CNTNAP3: variants seen among roughly 807,000 people sequenced by gnomAD.
The protein encoded by CNTNAP3 is contactin-associated protein-like 3.
CNTNAP3 carries 36 observed loss-of-function variants against 92.1 expected under a neutral mutation model. The ratio of observed to expected loss-of-function variants is 0.39; its 90% CI spans 0.30 to 0.52. The LOEUF (loss-of-function observed/expected upper bound fraction) is 0.52, where lower values mean the gene tolerates loss of function less well. Ranked by LOEUF, CNTNAP3 falls within the 20% of genes least tolerant of loss-of-function variation. The probability of loss-of-function intolerance (pLI) is 0.76; values close to 1 mark genes in which losing one functional copy is unlikely to be tolerated. For synonymous variants in CNTNAP3, 232 were observed against 422.3 expected, an observed-to-expected ratio of 0.55 and a Z score of 5.53; for missense variants, 534 against 1,069.6, an observed-to-expected ratio of 0.50 and a Z score of 6.98.
Position 39,068,243 on chromosome 9 carries a change from C to CAAA in CNTNAP3, c.*5644_*5646dup, listed in dbSNP as rs1198106886. ...TGAAACCTTGCCTCCACTAAAAATACAAAAAAAAAAAAAAAAAAAAAAATT... is the reference window on the plus strand; with the variant it reads ...TGAAACCTTGCCTCCACTAAAAATACAAAAAAAAAAAAAAAAAAAAAAAAAATT... On this transcript the variant is annotated 3_prime_UTR_variant, in exon 24 of 24. Coordinates refer to ENST00000297668, the MANE Select transcript of CNTNAP3 (RefSeq NM_033655.5). Among the ~76,000 whole-genome samples the CAAA allele has an allele frequency of 8.7e-3, 1,112 of 128,312 alleles. No individual in the cohort carries two copies. Among genetic ancestry groups the CAAA allele is most frequent in the African/African-American group, 0.028 (962 of 33,838 alleles). The allele number at this position is 128,312 out of a possible 152,430, so 84.2% of individuals were successfully genotyped here.
At chr9:39,116,142 ACT>A (rs574997320) in intron 14 of CNTNAP3, among the ~76,000 whole-genome samples, 53 of 149,846 alleles carry the variant, frequency 3.5e-4, no homozygotes, top group Non-Finnish European at 6.3e-4. Context: ...ACAGAGAGAG[ACT>A]CTGTCTCAAA....
At chr9:39,125,259 C>CA (rs989906422) in intron 13 of CNTNAP3, among the ~76,000 whole-genome samples, 2 of 149,136 alleles carry the variant, frequency 1.3e-5, no homozygotes, top group African/African-American at 5.0e-5. Context: ...ACCGCAAGGA[C>CA]AAAAAAACAA....
intron 14 of CNTNAP3, among the ~76,000 whole-genome samples, chr9:39,110,294 G>A (rs1483091979): frequency 5.9e-5 from 9 of 152,222 alleles, no homozygotes; most frequent in African/African-American, 1.9e-4. Context: ...TACATGGGAG[G>A]CTGAGGTGGG....
chr9:39,082,895 T>C (rs1467439098), intron 21 of CNTNAP3, among the ~76,000 whole-genome samples: 7 of 152,202 alleles, frequency 4.6e-5, no homozygotes, highest in Admixed American at 4.6e-4. Flanking sequence ...GTAGGGTCCT[T>C]TGTCTCTGTA....
rs762370069 is a variant in CNTNAP3, at chr9:39,086,775, C to A, written c.3295G>T (p.Ala1099Ser). ...TTCACTTGGTGAAGTTGCCCATCAG[C>A]CATGTTTTTAAAATCAAAGGTAAAT... ...DAFTFDFKNM[A>S]DGQLHQVKIN... Residue 1099 changes from alanine (A) to serine (S), a missense_variant, in exon 20 of 24, where the codon GCT (alanine) becomes TCT (serine). By Grantham distance (99) the Ala-to-Ser change is moderately conservative. Transcript: ENST00000297668. 1.5e-5 allele frequency: 24 copies of A among 1,610,910 alleles called. No homozygotes were observed. In the Middle Eastern group the frequency reaches 1.1e-3, roughly 75 times the overall value.
chr9:39,104,477 TACACACACACACACACACACACACAC>T (rs60068368), intron 15 of CNTNAP3, among the ~76,000 whole-genome samples: 1 of 123,108 alleles, frequency 8.1e-6, no homozygotes, highest in Non-Finnish European at 1.7e-5. Flanking sequence ...CACATACACA[TACACACACACACACACACACACACAC>T]ACACACACAC....
At chr9:39,161,883 A>G (rs559140064) in intron 9 of CNTNAP3, among the ~76,000 whole-genome samples, 1 of 130,246 alleles carries the variant, frequency 7.7e-6, no homozygotes, top group South Asian at 2.4e-4. Context: ...AACTACAAAA[A>G]TCCTGGAAGA....
chr9:39,068,243 C>CAAAAAAAAAAAAAAAAAAAAAAAAAAAA lies in CNTNAP3; in HGVS notation c.*5646_*5647insTTTTTTTTTTTTTTTTTTTTTTTTTTTT, dbSNP rs1198106886. Among the ~76,000 whole-genome samples, 5 of 129,320 alleles carry CAAAAAAAAAAAAAAAAAAAAAAAAAAAA rather than the reference C, an allele frequency of 3.9e-5. No individual in the cohort carries two copies. Among genetic ancestry groups the CAAAAAAAAAAAAAAAAAAAAAAAAAAAA allele is most frequent in the Non-Finnish European group, 6.8e-5 (4 of 59,106 alleles). 84.8% of individuals were successfully genotyped at this position (129,320 alleles called of 152,430 possible). On this transcript the variant is annotated 3_prime_UTR_variant, in exon 24 of 24. Transcript: ENST00000297668. ...TGAAACCTTGCCTCCACTAAAAATA[C>CAAAAAAAAAAAAAAAAAAAAAAAAAAAA]AAAAAAAAAAAAAAAAAAAAAAATT...
chr9:39,103,755 A>G lies in CNTNAP3; in HGVS notation c.2525T>C (p.Ile842Thr), dbSNP rs745472872. The G allele has an allele frequency of 1.2e-6, 2 of 1,610,994 alleles. No individual in the cohort carries two copies. The highest frequency in any genetic ancestry group is 4.5e-5 in the East Asian group (2 of 44,874). ...AGTGGCGAGCTTACCACGCAGCTCA[A>G]TCCTGATGAAATCTGTGATCCCCAG... ...ENLGITDFIR[I>T]ELRAPTEVTF... is the part of the protein sequence containing the mutation. Residue 842 changes from isoleucine to threonine, a missense_variant, in exon 16 of 24, where the codon ATT becomes ACT. Transcript: ENST00000297668.
chr9:39,110,459 A>G (rs1382570933), intron 14 of CNTNAP3, among the ~76,000 whole-genome samples: 1 of 152,178 alleles, frequency 6.6e-6, no homozygotes, highest in Non-Finnish European at 1.5e-5. Flanking sequence ...TCAAACAGAC[A>G]TTGTCCTGGG....
At chr9:39,124,486 G>A (rs1365530737) in intron 13 of CNTNAP3, among the ~76,000 whole-genome samples, 4 of 152,000 alleles carry the variant, frequency 2.6e-5, no homozygotes, top group Non-Finnish European at 4.4e-5. Context: ...GAAAGCAATG[G>A]CAACAAAAGC....
chr9:39,073,621 G>C lies in CNTNAP3; in HGVS notation c.*269C>G. The C allele has an allele frequency of 1.6e-6, 1 of 616,562 alleles. No homozygotes were observed. The highest frequency in any genetic ancestry group is 4.4e-4 in the Middle Eastern group (1 of 2,282). The allele number at this position is 616,562 out of a possible 1,614,324, so 38.2% of individuals were successfully genotyped here. ...TTGGACGGGGAAACTACTGAACAGT[G>C]ATGAATGGCCATACCTAATTCATTG... On this transcript the variant is annotated 3_prime_UTR_variant, in exon 24 of 24. Transcript: ENST00000297668.
chr9:39,095,222 T>C (rs1322696584), intron 18 of CNTNAP3, among the ~76,000 whole-genome samples: 1 of 151,736 alleles, frequency 6.6e-6, no homozygotes, highest in Non-Finnish European at 1.5e-5. Context: ...TATTTTCTCT[T>C]AACAGCTTTT....
rs1449408998 is a variant in CNTNAP3 at position 39,068,738 on chromosome 9, C to G, written c.*5152G>C. Among the ~76,000 whole-genome samples, 1 of 152,310 alleles carries G rather than the reference C, an allele frequency of 6.6e-6. No individual in the cohort carries two copies. The highest frequency in any genetic ancestry group is 1.5e-5 in the Non-Finnish European group (1 of 68,058). On this transcript the variant is annotated 3_prime_UTR_variant, in exon 24 of 24. Transcript: ENST00000297668. Reference sequence around the variant, plus strand: ...AACAGCTACTCCATTCAGAGACTTGCTAGGCTTCCTTAAGCTATCTATCTC... The same window carrying G: ...AACAGCTACTCCATTCAGAGACTTGGTAGGCTTCCTTAAGCTATCTATCTC...
chr9:39,093,181 G>T (rs1826247759), intron 18 of CNTNAP3, among the ~76,000 whole-genome samples: 1 of 117,878 alleles, frequency 8.5e-6, no homozygotes, highest in African/African-American at 3.1e-5. Context: ...TCTTTTGATT[G>T]GGTTGCTCAA....
At chr9:39,128,615 G>T (rs1158582048) in intron 13 of CNTNAP3, among the ~76,000 whole-genome samples, 1 of 152,082 alleles carries the variant, frequency 6.6e-6, no homozygotes, top group Non-Finnish European at 1.5e-5. Flanking sequence ...CCTAAGACAG[G>T]AAACAAGGCA....
intron 11 of CNTNAP3, among the ~76,000 whole-genome samples, chr9:39,141,022 G>C (rs144454700): frequency 2.4e-4 from 36 of 152,308 alleles, no homozygotes; most frequent in Non-Finnish European, 4.1e-4. Flanking sequence ...GCAATGTCTA[G>C]AGACTGTAGT....
At chr9:39,259,191 G>C (rs182552079) in intron 2 of CNTNAP3, among the ~76,000 whole-genome samples, 3,127 of 23,462 alleles carry the variant, frequency 0.13, 1,518 homozygotes, top group Non-Finnish European at 0.22. Flanking sequence ...ACCGTGCCCG[G>C]TCCTGCACAG....
chr9:39,141,370 A>C (rs1821571586), intron 11 of CNTNAP3, among the ~76,000 whole-genome samples: 1 of 152,188 alleles, frequency 6.6e-6, no homozygotes, highest in South Asian at 2.1e-4. Flanking sequence ...ATGAATGAGC[A>C]TTTTAAAGAG....
Sources: gnomAD v4.1 joint callset for allele counts (sites outside exome capture counted in the v4.1 genomes callset) on GRCh38, gnomAD v4.1.1 for gene constraint, MANE v1.5 for transcripts, NCBI Gene and HGNC (gene_info 2026-07-23, HGNC 2026-07-21) for gene names.